HIVEP1: variants seen among roughly 807,000 people sequenced by gnomAD.
HIVEP1 encodes the protein HIVEP zinc finger 1.
In HIVEP1, 36 loss-of-function variants were observed where a neutral mutation model predicts 180.0. The observed-to-expected ratio is 0.20, with a 90% CI of 0.15 to 0.26. HIVEP1 has a LOEUF of 0.26. HIVEP1 is among the 10% of genes least tolerant of loss of function. The pLI, the probability that HIVEP1 is intolerant of heterozygous loss-of-function variation, is 1.00. For missense variants in HIVEP1, 3,143 were observed against 3,268.7 expected, an observed-to-expected ratio of 0.96 and a Z score of 0.94; for synonymous variants, 1,239 against 1,239.0, an observed-to-expected ratio of 1.00 and a Z score of 0.00.
intron 7 of HIVEP1, among the ~76,000 whole-genome samples, chr6:12,151,736 G>A (rs950512759): frequency 5.3e-5 from 8 of 152,182 alleles, no homozygotes; most frequent in African/African-American, 1.9e-4. Context: ...TCTCTGTCAT[G>A]AATACTAAAC....
the HIVEP1 span, among the ~76,000 whole-genome samples, chr6:12,190,366 C>G: frequency 6.6e-6 from 1 of 152,206 alleles, no homozygotes; most frequent in African/African-American, 2.4e-5. Flanking sequence ...GGTTCAGGCC[C>G]TCCTTGAACT....
At chr6:12,074,021 G>A (rs552903794) in intron 2 of HIVEP1, among the ~76,000 whole-genome samples, 2 of 152,288 alleles carry the variant, frequency 1.3e-5, no homozygotes, top group African/African-American at 2.4e-5. Context: ...CACCATGAGA[G>A]CTGTACATCA....
At chr6:12,105,861 T>G (rs1296173498) in intron 3 of HIVEP1, among the ~76,000 whole-genome samples, 1 of 152,128 alleles carries the variant, frequency 6.6e-6, no homozygotes, top group Admixed American at 6.5e-5. Flanking sequence ...CATTGAATTA[T>G]TGAACTTATT....
At chr6:12,196,349 A>G in the HIVEP1 span, among the ~76,000 whole-genome samples, 2 of 152,194 alleles carry the variant, frequency 1.3e-5, no homozygotes, top group African/African-American at 2.4e-5. Context: ...ATGAATTTGT[A>G]TATATACATT....
chr6:12,114,041 A>G (rs1379939081), intron 3 of HIVEP1, among the ~76,000 whole-genome samples: 1 of 152,114 alleles, frequency 6.6e-6, no homozygotes, highest in Admixed American at 6.5e-5. Flanking sequence ...CTGTTTATAA[A>G]CACACTCAAC....
At chr6:12,011,279 C>A (rs1278602329), upstream of HIVEP1, among the ~76,000 whole-genome samples, 2 of 104,648 alleles carry the variant, frequency 1.9e-5, no homozygotes, top group Admixed American at 1.0e-4. Flanking sequence ...GTCCCCCCCC[C>A]CCCCCGCCTC....
chr6:12,208,485 T>C, the HIVEP1 span, among the ~76,000 whole-genome samples: 1 of 152,122 alleles, frequency 6.6e-6, no homozygotes, highest in East Asian at 1.9e-4. Context: ...TCCACCACAG[T>C]ATGAGCGGCC....
intron 3 of HIVEP1, among the ~76,000 whole-genome samples, chr6:12,099,584 A>ACATAG (rs1773989477): frequency 6.6e-6 from 1 of 152,074 alleles, no homozygotes; most frequent in Non-Finnish European, 1.5e-5. Flanking sequence ...AAACGTGGTA[A>ACATAG]CATAGATGCA....
intron 3 of HIVEP1, among the ~76,000 whole-genome samples, chr6:12,093,601 T>C (rs889235887): frequency 6.6e-6 from 1 of 151,940 alleles, no homozygotes; most frequent in African/African-American, 2.4e-5. Flanking sequence ...TTCTTTTTTT[T>C]CTCAAGTGGG....
chr6:12,020,886 C>A (rs1323907255), intron 2 of HIVEP1, among the ~76,000 whole-genome samples: 1 of 99,106 alleles, frequency 1.0e-5, no homozygotes, highest in Non-Finnish European at 2.0e-5. Flanking sequence ...TTCTTTCTTT[C>A]TTTCTTTTTT....
At chr6:12,159,722 T>C (rs977819457) in intron 7 of HIVEP1, among the ~76,000 whole-genome samples, 3 of 152,244 alleles carry the variant, frequency 2.0e-5, no homozygotes, top group African/African-American at 7.2e-5. Context: ...TATTATTTTA[T>C]TTCATTACTT....
At chr6:12,023,535 T>A (rs1187524746) in intron 2 of HIVEP1, among the ~76,000 whole-genome samples, 1 of 152,220 alleles carries the variant, frequency 6.6e-6, no homozygotes, top group Non-Finnish European at 1.5e-5. Flanking sequence ...AGTAATAATT[T>A]AAAAAATAGT....
At chr6:12,189,865 A>T in the HIVEP1 span, among the ~76,000 whole-genome samples, 2 of 152,196 alleles carry the variant, frequency 1.3e-5, no homozygotes, top group Non-Finnish European at 2.9e-5. Context: ...AGCAAGCTAA[A>T]TGGCCAAATA....
intron 4 of HIVEP1, among the ~76,000 whole-genome samples, chr6:12,127,047 G>A (rs771987066): frequency 9.9e-5 from 15 of 152,054 alleles, no homozygotes; most frequent in Non-Finnish European, 1.6e-4. Context: ...TAGAGACAGA[G>A]TTTCGCCATG....
At chr6:12,127,693 A>G (rs1309285400) in intron 4 of HIVEP1, among the ~76,000 whole-genome samples, 2 of 152,238 alleles carry the variant, frequency 1.3e-5, no homozygotes, top group Non-Finnish European at 2.9e-5. Flanking sequence ...ACTACTATTT[A>G]AAAAGTTGAA....
Position 12,123,556 on chromosome 6 carries a change from A to G in HIVEP1, c.3761A>G (p.Gln1254Arg). The change falls in exon 4 of 9, where the codon CAA becomes CGA. Residue 1254 changes from glutamine (Q) to arginine (R), a missense_variant. Physicochemically the swap from Gln to Arg is conservative, Grantham distance 43. Transcript: ENST00000379388. ...GACCTGGAAGCTCAATGCCATGATC[A>G]AGAAAAGTCAGAGAAGTTCAGTTGG... is the stretch of plus-strand genomic sequence containing the variant. ...DRDLEAQCHD[Q>R]EKSEKFSWPQ... 1 of 1,614,152 alleles carries G rather than the reference A, an allele frequency of 6.2e-7. No homozygotes were observed. The highest frequency in any genetic ancestry group is 1.1e-5 in the South Asian group (1 of 91,086).
At chr6:12,018,829 G>A (rs1408172075) in intron 2 of HIVEP1, among the ~76,000 whole-genome samples, 1 of 152,156 alleles carries the variant, frequency 6.6e-6, no homozygotes, top group Non-Finnish European at 1.5e-5. Flanking sequence ...GTTCTCTTCA[G>A]GAGGGATGAG....
At chr6:12,011,270 T>TGCCC (rs1767268015), upstream of HIVEP1, among the ~76,000 whole-genome samples, 7 of 71,626 alleles carry the variant, frequency 9.8e-5, no homozygotes, top group South Asian at 5.3e-4. Context: ...CCCCTTGGGG[T>TGCCC]CCCCCCCCCC....
At chr6:12,126,879 G>T (rs1016595362) in intron 4 of HIVEP1, among the ~76,000 whole-genome samples, 42 of 151,352 alleles carry the variant, frequency 2.8e-4, no homozygotes, top group African/African-American at 9.7e-4. Context: ...TTTTTTTCGA[G>T]ACAGAATCTC....
Sources: gnomAD v4.1 joint callset for allele counts (sites outside exome capture counted in the v4.1 genomes callset) on GRCh38, gnomAD v4.1.1 for gene constraint, MANE v1.5 for transcripts, NCBI Gene and HGNC (gene_info 2026-07-23, HGNC 2026-07-21) for gene names.